The following CDHR3 variants were observed in gnomAD, a reference collection of about 807,000 sequenced individuals.
CDHR3 encodes cadherin related family member 3.
A neutral mutation model predicts 86.6 loss-of-function variants in CDHR3; 79 were observed. The observed-to-expected ratio is 0.91, with a 90% CI of 0.76 to 1.10. CDHR3 has a LOEUF of 1.10. Ranked by LOEUF, CDHR3 falls within the 50% of genes least tolerant of loss-of-function variation. CDHR3 has a pLI of 0.00. For synonymous variants in CDHR3, 421 were observed against 402.4 expected, an observed-to-expected ratio of 1.05 and a Z score of -0.55; for missense variants, 1,081 against 1,077.6, an observed-to-expected ratio of 1.00 and a Z score of -0.04.
At chr7:106,026,738 G>A in intron 16 of CDHR3, 43 bp downstream of exon 16, 1 of 1,606,948 alleles carries the variant, frequency 6.2e-7, no homozygotes, top group Non-Finnish European at 8.5e-7. Flanking sequence ...TTTTTTGCTT[G>A]CTCTGTTGTG....
In CDHR3 at chr7:105,994,846, G is replaced by A; in HGVS notation, c.608+1G>A. 1 of 1,601,346 alleles carries A rather than the reference G, an allele frequency of 6.2e-7. No homozygotes were observed. On this transcript the variant is annotated splice_donor_variant, in intron 5 of 18. Coordinates refer to ENST00000317716, the MANE Select transcript of CDHR3 (RefSeq NM_152750.5). LOFTEE classifies it high-confidence loss of function. ...TGGACTTTGAAGCAGGACACAGAAG[G>A]TAGTCTTGCTATTGACCTTGCATGA...
intron 8 of CDHR3, among the ~76,000 whole-genome samples, chr7:106,012,154 A>G (rs1474461471): frequency 1.3e-5 from 2 of 152,020 alleles, no homozygotes; most frequent in Non-Finnish European, 2.9e-5. Flanking sequence ...GTGCCAAGAA[A>G]AAAGCAAAGA....
Position 106,028,591 on chromosome 7 carries a change from G to A in CDHR3, c.2304+9G>A, listed in dbSNP as rs907352516. 3 of 1,613,888 alleles carry A rather than the reference G, an allele frequency of 1.9e-6. No homozygotes were observed. The highest frequency in any genetic ancestry group is 1.3e-5 in the African/African-American group (1 of 75,046). ...AGAGAGACGTCGTGGTGGTGAGTAT[G>A]GGCAGTGTGGGGCACCAGGCATAGA... On this transcript the variant is annotated intron_variant, in intron 17 of 18. Coordinates refer to ENST00000317716, the MANE Select transcript of CDHR3 (RefSeq NM_152750.5).
chr7:106,009,189 G>T (rs1393904709), intron 8 of CDHR3, among the ~76,000 whole-genome samples: 1 of 152,186 alleles, frequency 6.6e-6, no homozygotes, highest in Non-Finnish European at 1.5e-5. Flanking sequence ...CAAGGCTCAA[G>T]TTCCCTCTTT....
At chr7:106,009,708 T>C (rs1221116835) in intron 8 of CDHR3, among the ~76,000 whole-genome samples, 1 of 152,160 alleles carries the variant, frequency 6.6e-6, no homozygotes, top group Non-Finnish European at 1.5e-5. Context: ...TTTCGTACCG[T>C]GGCCCCTGAG....
In CDHR3 at chr7:106,015,208, A is replaced by G. The variant is rs1203813569; in HGVS notation, c.1322A>G (p.Tyr441Cys). The G allele has an allele frequency of 2.5e-6, 4 of 1,605,734 alleles. No individual in the cohort carries two copies. The highest frequency in any genetic ancestry group is 2.2e-5 in the South Asian group (2 of 88,940). The part of the protein sequence containing the change: ...IQVQDVAPPY[Y>C]KNNVYVYILT... ...GTGCAGGATGTGGCCCCCCCTTACT[A>G]TAAAAGCAAGTATCATTTTGTTTTA... The change falls in exon 10 of 19, where the codon TAT becomes TGT. Residue 441 changes from tyrosine to cysteine, a missense_variant. By Grantham distance (194) the Tyr-to-Cys change is radical. Coordinates refer to ENST00000317716, the MANE Select transcript of CDHR3 (RefSeq NM_152750.5).
intron 6 of CDHR3, among the ~76,000 whole-genome samples, chr7:105,999,834 G>T (rs1431012780): frequency 6.6e-6 from 1 of 152,236 alleles, no homozygotes; most frequent in African/African-American, 2.4e-5. Context: ...TGTCTAACCA[G>T]CTCCCTGGTG....
At chr7:106,021,287 C>G (rs1563299653) in intron 13 of CDHR3, among the ~76,000 whole-genome samples, 1 of 152,180 alleles carries the variant, frequency 6.6e-6, no homozygotes, top group Non-Finnish European at 1.5e-5. Context: ...AAAAATCCAT[C>G]CCTGCTGCCT....
In CDHR3 at chr7:106,035,008, G is replaced by A. The variant is rs1296551671; in HGVS notation, c.*2311G>A. On this transcript the variant is annotated 3_prime_UTR_variant, in exon 19 of 19. Coordinates refer to ENST00000317716, the MANE Select transcript of CDHR3 (RefSeq NM_152750.5). ...GCAAGAGAATCGCTTGAACCCAGGAGGCAGAAGTTGCAGTGGGCTGAGATT... is the reference window on the plus strand; with the variant it reads ...GCAAGAGAATCGCTTGAACCCAGGAAGCAGAAGTTGCAGTGGGCTGAGATT... Among the ~76,000 whole-genome samples, 1 of 152,022 alleles carries A rather than the reference G, an allele frequency of 6.6e-6. No individual in the cohort carries two copies. Among genetic ancestry groups the A allele is most frequent in the Non-Finnish European group, 1.5e-5 (1 of 68,014 alleles).
chr7:106,020,654 G>A (rs1836428174), intron 13 of CDHR3, 110 bp downstream of exon 13: 2 of 1,243,872 alleles, frequency 1.6e-6, no homozygotes, highest in Non-Finnish European at 2.2e-6. Flanking sequence ...GATGGGAGTT[G>A]GGAGGGCATT....
At chr7:105,983,628 C>T (rs1182825885) in intron 3 of CDHR3, among the ~76,000 whole-genome samples, 2 of 152,142 alleles carry the variant, frequency 1.3e-5, no homozygotes, top group Admixed American at 6.5e-5. Flanking sequence ...CTCCCTCCTC[C>T]CCCATCACTG....
intron 2 of CDHR3, among the ~76,000 whole-genome samples, chr7:105,980,760 C>T (rs996022700): frequency 2.6e-5 from 4 of 151,924 alleles, no homozygotes; most frequent in African/African-American, 9.7e-5. Flanking sequence ...GGAAACGCAG[C>T]ATCACATGCA....
At chr7:106,014,163 T>C (rs73195657) in intron 9 of CDHR3, among the ~76,000 whole-genome samples, 3,391 of 152,178 alleles carry the variant, frequency 0.022, 120 homozygotes, top group South Asian at 0.19. Context: ...CTCAAGCTCC[T>C]GGTCTCAGGC....
rs1483540142 is a variant in CDHR3 at position 106,034,865 on chromosome 7, G to A, written c.*2168G>A. On this transcript the variant is annotated 3_prime_UTR_variant, in exon 19 of 19. Coordinates refer to ENST00000317716, the MANE Select transcript of CDHR3 (RefSeq NM_152750.5). ...GGCTGAGGCAGGTGGATCACCTGAG[G>A]TCAGGAGTTTGAGACCAGCCTGGCC... is the stretch of plus-strand genomic sequence containing the variant. Among the ~76,000 whole-genome samples the A allele has an allele frequency of 2.0e-5, 3 of 152,144 alleles. No individual in the cohort carries two copies. Among genetic ancestry groups the A allele is most frequent in the Non-Finnish European group, 2.9e-5 (2 of 68,032 alleles).
chr7:106,012,311 C>T (rs942157602), intron 8 of CDHR3, among the ~76,000 whole-genome samples: 1 of 152,030 alleles, frequency 6.6e-6, no homozygotes, highest in Non-Finnish European at 1.5e-5. Context: ...GGGCAGGGAA[C>T]ATTGCCATTC....
In CDHR3 at chr7:106,032,673, C is replaced by T. The variant is rs1352958803; in HGVS notation, c.2634C>T (p.Tyr878=). 1 of 1,612,230 alleles carries T rather than the reference C, an allele frequency of 6.2e-7. No individual in the cohort carries two copies. Among genetic ancestry groups the T allele is most frequent in the Non-Finnish European group, 8.5e-7 (1 of 1,178,786 alleles). Reference sequence around the variant, plus strand: ...ATCCAGCCTTCATGAACAGGGCTTACCCCAAACCACACCCAGGAAAGTAAA... The same window carrying T: ...ATCCAGCCTTCATGAACAGGGCTTATCCCAAACCACACCCAGGAAAGTAAA... ...NRNPAFMNRA[Y]PKPHPGK is the part of the protein sequence containing the mutation. The change falls in exon 19 of 19, where the codon TAC becomes TAT. Residue 878 remains tyrosine (Y), a synonymous_variant. Coordinates refer to ENST00000317716, the MANE Select transcript of CDHR3 (RefSeq NM_152750.5).
intron 2 of CDHR3, among the ~76,000 whole-genome samples, chr7:105,979,226 C>T (rs1197825125): frequency 6.6e-6 from 1 of 152,198 alleles, no homozygotes; most frequent in Non-Finnish European, 1.5e-5. Context: ...GCTGGGCTTT[C>T]AAGCCAGTCA....
rs761837265 is a variant in CDHR3, at chr7:106,001,471, A to T, written c.723A>T (p.Arg241=). Residue 241 remains arginine, a synonymous_variant, in exon 7 of 19, where the codon CGA becomes CGT. Transcript: ENST00000317716. ...TGTATCTCTGTTCCAGCCCGACACG[A>T]GTGTACACAGTCCTGGAGGAACTGA... is the stretch of plus-strand genomic sequence containing the variant. ...DEVPRFTSPT[R]VYTVLEELSP... 3 of 1,614,036 alleles carry T rather than the reference A, an allele frequency of 1.9e-6. No individual in the cohort carries two copies. The highest frequency in any genetic ancestry group is 3.3e-5 in the Admixed American group (2 of 60,028).
At chr7:106,010,363 T>G (rs1399680764) in intron 8 of CDHR3, among the ~76,000 whole-genome samples, 1 of 152,158 alleles carries the variant, frequency 6.6e-6, no homozygotes, top group East Asian at 1.9e-4. Flanking sequence ...AAATTAGAGA[T>G]AGTGTTTTTA....
Sources: gnomAD v4.1 joint callset for allele counts (sites outside exome capture counted in the v4.1 genomes callset) on GRCh38, gnomAD v4.1.1 for gene constraint, MANE v1.5 for transcripts, NCBI Gene and HGNC (gene_info 2026-07-23, HGNC 2026-07-21) for gene names.